Variants in ACSL3 observed in about 807,000 individuals in gnomAD.
ACSL3 encodes the protein fatty acid CoA ligase Acsl3.
In ACSL3, 34 loss-of-function variants were observed where a neutral mutation model predicts 84.7. The observed-to-expected ratio is 0.40, with a 90% confidence interval of 0.31 to 0.53. The LOEUF is 0.53. Among genes scored for constraint, ACSL3 ranks in the 20% least tolerant of loss-of-function variants. ACSL3 has a pLI of 0.48. For synonymous variants in ACSL3, 315 were observed against 299.4 expected, an observed-to-expected ratio of 1.05 and a Z score of -0.54; for missense variants, 680 against 873.1, an observed-to-expected ratio of 0.78 and a Z score of 2.79.
chr2:222,914,800 C>T (rs1388219862), intron 4 of ACSL3, among the ~76,000 whole-genome samples: 1 of 152,114 alleles, frequency 6.6e-6, no homozygotes, highest in African/African-American at 2.4e-5. Flanking sequence ...AAATCAGATA[C>T]AATATAGAGT....
chr2:222,869,466 G>A lies in ACSL3; in HGVS notation c.-207+8208G>A, dbSNP rs114728491. 3.6e-3 allele frequency among the ~76,000 whole-genome samples: 548 copies of A among 152,148 alleles called. 2 individuals carry two copies. Among genetic ancestry groups the A allele is most frequent in the Middle Eastern group, 0.01 (3 of 294 alleles). ...GTAGTTTTTTGGTAAATGGTAACAAGACATTCTGAACCAGTGTGTGAGTGA... is the reference window on the plus strand; with the variant it reads ...GTAGTTTTTTGGTAAATGGTAACAAAACATTCTGAACCAGTGTGTGAGTGA... On this transcript the variant is annotated intron_variant, in intron 1 of 16. Coordinates refer to ENST00000357430, the MANE Select transcript of ACSL3 (RefSeq NM_004457.5).
At chr2:222,899,145 G>A (rs1696070905) in intron 2 of ACSL3, among the ~76,000 whole-genome samples, 1 of 152,088 alleles carries the variant, frequency 6.6e-6, no homozygotes, top group African/African-American at 2.4e-5. Flanking sequence ...GGTAAACACT[G>A]GAAAAAATAC....
At chr2:222,894,113 T>C (rs1325963778) in intron 2 of ACSL3, among the ~76,000 whole-genome samples, 6 of 152,230 alleles carry the variant, frequency 3.9e-5, no homozygotes, top group African/African-American at 1.4e-4. Context: ...ACATAAAATT[T>C]TATTTTAACA....
rs575898633 is a variant in ACSL3 at position 222,944,588 on chromosome 2, CAT to C, written c.*2936_*2937del. On this transcript the variant is annotated 3_prime_UTR_variant, in exon 17 of 17. Transcript: ENST00000357430. ...TATGGACTATTTATTTGTAATTTGA[CAT>C]AAAGTTTGAAGAATAAAGATCTATA... The C allele has an allele frequency of 4.8e-5, 7 of 145,976 alleles. No individual in the cohort carries two copies. Among genetic ancestry groups the C allele is most frequent in the Non-Finnish European group, 1.0e-4 (7 of 66,682 alleles). The allele number at this position is 145,976 out of a possible 1,614,324, so 9.0% of individuals were successfully genotyped here.
At chr2:222,882,090 A>G (rs575211005) in intron 1 of ACSL3, among the ~76,000 whole-genome samples, 1 of 152,210 alleles carries the variant, frequency 6.6e-6, no homozygotes, top group Non-Finnish European at 1.5e-5. Flanking sequence ...CTTGTAAACT[A>G]GGTAACAAAA....
In ACSL3 at chr2:222,919,325, G is replaced by A. The variant is rs914495867; in HGVS notation, c.805+123G>A. 23 of 1,133,190 alleles carry A rather than the reference G, an allele frequency of 2.0e-5. No homozygotes were observed. The African/African-American group carries it at 3.3e-4, about 16-fold the overall frequency. The allele number at this position is 1,133,190 out of a possible 1,614,324, so 70.2% of individuals were successfully genotyped here. On this transcript the variant is annotated intron_variant, in intron 7 of 16. Coordinates refer to ENST00000357430, the MANE Select transcript of ACSL3 (RefSeq NM_004457.5). The stretch of plus-strand genomic sequence containing the variant: ...ACATCAGTTTTCTAACATCAGTTAG[G>A]AAAACAGGTCCCTCTAGGTATACTT...
intron 2 of ACSL3, among the ~76,000 whole-genome samples, chr2:222,893,237 T>C (rs1263179078): frequency 6.6e-6 from 1 of 152,308 alleles, no homozygotes; most frequent in Middle Eastern, 3.4e-3. Context: ...GCCTTTGACT[T>C]TGTGGGAGCA....
chr2:222,902,731 A>G (rs1383935595), intron 3 of ACSL3, among the ~76,000 whole-genome samples: 3 of 152,234 alleles, frequency 2.0e-5, no homozygotes, highest in African/African-American at 7.2e-5. Flanking sequence ...CTACCTCACA[A>G]ATTGAATACC....
intron 2 of ACSL3, among the ~76,000 whole-genome samples, chr2:222,895,382 C>T (rs1304497840): frequency 6.6e-6 from 1 of 152,022 alleles, no homozygotes; most frequent in Non-Finnish European, 1.5e-5. Context: ...TCTGCTGGTT[C>T]ATAGCTATCA....
chr2:222,872,792 G>A (rs1162623519), intron 1 of ACSL3, among the ~76,000 whole-genome samples: 1 of 152,016 alleles, frequency 6.6e-6, no homozygotes, highest in Admixed American at 6.6e-5. Flanking sequence ...GTGGGGCGGT[G>A]TGGTGGTGGG....
chr2:222,869,117 C>A (rs1014170062), intron 1 of ACSL3, among the ~76,000 whole-genome samples: 7 of 152,036 alleles, frequency 4.6e-5, no homozygotes, highest in Non-Finnish European at 8.8e-5. Context: ...TGTAATATGA[C>A]CCTGATAATG....
At chr2:222,889,015 A>G (rs1266664020) in intron 2 of ACSL3, among the ~76,000 whole-genome samples, 1 of 152,250 alleles carries the variant, frequency 6.6e-6, no homozygotes, top group African/African-American at 2.4e-5. Flanking sequence ...TTAATGGGTT[A>G]TGGGAACTCC....
chr2:222,941,658 T>C lies in ACSL3; in HGVS notation c.*4T>C, dbSNP rs1324170090. ...GCGAATGTATGGAAGAAAATAATTA[T>C]TCTCTTCTGGCATCAGTTTGCTACA... On this transcript the variant is annotated 3_prime_UTR_variant, in exon 17 of 17. Transcript: ENST00000357430. 6 of 1,610,208 alleles carry C rather than the reference T, an allele frequency of 3.7e-6. No homozygotes were observed. The highest frequency in any genetic ancestry group is 1.7e-5 in the Admixed American group (1 of 59,730).
At chr2:222,895,225 C>T (rs1325880641) in intron 2 of ACSL3, among the ~76,000 whole-genome samples, 1 of 152,152 alleles carries the variant, frequency 6.6e-6, no homozygotes, top group Non-Finnish European at 1.5e-5. Flanking sequence ...TCCCTCACAT[C>T]CAATGATTTT....
At chr2:222,892,607 C>T (rs146607940) in intron 2 of ACSL3, among the ~76,000 whole-genome samples, 2 of 152,254 alleles carry the variant, frequency 1.3e-5, no homozygotes, top group Non-Finnish European at 2.9e-5. Context: ...GTGTGTATGA[C>T]TGTCACCTAA....
chr2:222,893,078 TG>T (rs1695882206), intron 2 of ACSL3, among the ~76,000 whole-genome samples: 1 of 152,158 alleles, frequency 6.6e-6, no homozygotes, highest in Admixed American at 6.5e-5. Context: ...TGCCTGAGTG[TG>T]GTAGGCTGAA....
intron 3 of ACSL3, among the ~76,000 whole-genome samples, chr2:222,904,344 T>C (rs1696238086): frequency 6.6e-6 from 1 of 152,174 alleles, no homozygotes; most frequent in Non-Finnish European, 1.5e-5. Context: ...TTATATGGTC[T>C]TAGTCTCCAT....
chr2:222,923,291 G>A (rs146287451), intron 10 of ACSL3, 142 bp downstream of exon 10: 120 of 671,606 alleles, frequency 1.8e-4, no homozygotes, highest in Admixed American at 1.6e-3. Flanking sequence ...TGCCTTAGGC[G>A]CTATGGGATT....
intron 15 of ACSL3, 102 bp downstream of exon 15, chr2:222,933,382 T>C: frequency 2.6e-6 from 2 of 756,508 alleles, no homozygotes; most frequent in Non-Finnish European, 4.1e-6. Flanking sequence ...CCGAGAACTC[T>C]TCCTATCTGT....
Sources: gnomAD v4.1 joint callset for allele counts (sites outside exome capture counted in the v4.1 genomes callset) on GRCh38, gnomAD v4.1.1 for gene constraint, MANE v1.5 for transcripts, NCBI Gene and HGNC (gene_info 2026-07-23, HGNC 2026-07-21) for gene names.